The following NLRP11 variants were observed in gnomAD, a reference collection of about 807,000 sequenced individuals.
NLRP11 encodes the protein NACHT, LRR and PYD domains-containing protein 11.
In NLRP11, 53 loss-of-function variants were observed where a neutral mutation model predicts 79.3. That is an observed-to-expected ratio of 0.67 (90% CI 0.54 to 0.84). The LOEUF (loss-of-function observed/expected upper bound fraction) is 0.84. NLRP11 is among the 40% of genes least tolerant of loss of function. NLRP11 has a pLI of 0.00. For synonymous variants in NLRP11, 518 were observed against 462.6 expected (o/e 1.12, Z -1.54); for missense variants, 1,264 against 1,255.0 (o/e 1.01, Z -0.11).
At chr19:55,829,218 G>A (rs1370080495) in intron 1 of NLRP11, among the ~76,000 whole-genome samples, 1 of 149,894 alleles carries the variant, frequency 6.7e-6, no homozygotes, top group African/African-American at 2.5e-5. Context: ...TTTTTTTGAG[G>A]AACCTATGAA....
chr19:55,813,431 G>C (rs905489915), intron 2 of NLRP11, among the ~76,000 whole-genome samples: 1 of 152,104 alleles, frequency 6.6e-6, no homozygotes, highest in Non-Finnish European at 1.5e-5. Context: ...GGCCCATCAG[G>C]CATCTACCAA....
At chr19:55,796,641 C>T (rs1978908481) in intron 5 of NLRP11, among the ~76,000 whole-genome samples, 1 of 152,058 alleles carries the variant, frequency 6.6e-6, no homozygotes, top group Admixed American at 6.5e-5. Flanking sequence ...GATGTTTTTT[C>T]TGCATAGCCT....
chr19:55,815,060 G>C (rs920176642), intron 2 of NLRP11, among the ~76,000 whole-genome samples: 3 of 151,940 alleles, frequency 2.0e-5, no homozygotes, highest in Non-Finnish European at 4.4e-5. Context: ...AAAGGTCTAA[G>C]AAAAATGTAT....
intron 4 of NLRP11, among the ~76,000 whole-genome samples, chr19:55,805,332 T>C (rs1366995406): frequency 6.6e-6 from 1 of 151,914 alleles, no homozygotes; most frequent in Non-Finnish European, 1.5e-5. Flanking sequence ...TTGAGGATCC[T>C]ATGGCAAATC....
At chr19:55,829,143 G>C (rs909087584) in intron 1 of NLRP11, among the ~76,000 whole-genome samples, 3 of 151,614 alleles carry the variant, frequency 2.0e-5, no homozygotes, top group African/African-American at 7.3e-5. Flanking sequence ...TTTGCCTTTT[G>C]AGAAAAGTAA....
chr19:55,801,508 C>T, intron 5 of NLRP11, 64 bp downstream of exon 5: 1 of 1,358,860 alleles, frequency 7.4e-7, no homozygotes, highest in Non-Finnish European at 1.0e-6. Flanking sequence ...AGGGGCACCT[C>T]TATCCACCAA....
Position 55,809,975 on chromosome 19 carries a change from G to C in NLRP11, c.635C>G (p.Ala212Gly). 6.8e-6 allele frequency: 11 copies of C among 1,614,208 alleles called. No individual in the cohort carries two copies. Among genetic ancestry groups the C allele is most frequent in the Non-Finnish European group, 8.5e-6 (10 of 1,180,038 alleles). The change falls in exon 3 of 10, where the codon GCT (alanine) becomes GGT (glycine). Residue 212 changes from alanine to glycine, a missense_variant. By Grantham distance (60) the Ala-to-Gly change is moderately conservative. Coordinates refer to ENST00000589093, the Ensembl canonical transcript of NLRP11. The surrounding 1 kb of genome is among the most constrained non-coding windows in gnomAD (Gnocchi z 4.5). ...ATCAGACAGGATGTCTGCAATGGGA[G>C]CCTGGCCGTCAGGCCAGTCCTTGGC...
intron 1 of NLRP11, among the ~76,000 whole-genome samples, chr19:55,821,205 T>TCACACACACACACACA (rs950312294): frequency 1.2e-5 from 1 of 85,220 alleles, no homozygotes; most frequent in Non-Finnish European, 2.2e-5. Context: ...TCTCTCTCTC[T>TCACACACACACACACA]CACACACACA....
exon 2 of NLRP11, chr19:55,818,173 A>G (rs775813043): frequency 6.2e-7 from 1 of 1,610,404 alleles, no homozygotes; most frequent in South Asian, 1.1e-5. Context: ...CGATTCTGCC[A>G]TCTTGCTTCT....
intron 1 of NLRP11, among the ~76,000 whole-genome samples, chr19:55,819,662 G>C (rs887110301): frequency 6.6e-6 from 1 of 152,132 alleles, no homozygotes; most frequent in Non-Finnish European, 1.5e-5. Context: ...GTCCCTTTGG[G>C]GGCGAAAAAG....
intron 2 of NLRP11, among the ~76,000 whole-genome samples, chr19:55,814,067 T>C (rs929938826): frequency 1.3e-5 from 2 of 152,252 alleles, no homozygotes; most frequent in Admixed American, 6.5e-5. Flanking sequence ...AGCACTCCTC[T>C]GTATTTACAG....
At chr19:55,803,393 T>C (rs1005693832) in intron 4 of NLRP11, among the ~76,000 whole-genome samples, 8 of 151,974 alleles carry the variant, frequency 5.3e-5, no homozygotes, top group African/African-American at 1.9e-4. Flanking sequence ...ATTCTGGACA[T>C]AGGAATGGGC....
intron 2 of NLRP11, 123 bp downstream of exon 2, chr19:55,817,781 A>G (rs567247007): frequency 1.3e-6 from 1 of 746,506 alleles, no homozygotes; most frequent in Non-Finnish European, 2.2e-6. Context: ...GAACTTACTC[A>G]TGTACTCAAA....
At chr19:55,795,136 C>CT (rs1978703689) in intron 6 of NLRP11, among the ~76,000 whole-genome samples, 1 of 152,100 alleles carries the variant, frequency 6.6e-6, no homozygotes, top group Non-Finnish European at 1.5e-5. Context: ...ACTTTTGCCA[C>CT]TTTTTTGCCA....
At chr19:55,818,425 T>A (rs1383826413) in intron 1 of NLRP11, among the ~76,000 whole-genome samples, 189 bp from the exon 2 acceptor site, 1 of 152,218 alleles carries the variant, frequency 6.6e-6, no homozygotes, top group Non-Finnish European at 1.5e-5. Context: ...CTAGGTTCTG[T>A]TAAGGTGGAA....
At chr19:55,829,555 T>C (rs1982544812) in intron 1 of NLRP11, among the ~76,000 whole-genome samples, 1 of 148,768 alleles carries the variant, frequency 6.7e-6, no homozygotes, top group South Asian at 2.1e-4. Flanking sequence ...TAGTCCCAGC[T>C]ACTCAGAAGG....
At chr19:55,785,748 C>T (rs1382415473) in exon 10 of NLRP11, 49 of 1,613,950 alleles carry the variant, frequency 3.0e-5, no homozygotes, top group Non-Finnish European at 4.1e-5. Context: ...AAGCAGGTGT[C>T]ACACCAATTT....
At chr19:55,806,993 C>G (rs1980060299) in intron 4 of NLRP11, among the ~76,000 whole-genome samples, 1 of 152,170 alleles carries the variant, frequency 6.6e-6, no homozygotes, top group African/African-American at 2.4e-5. Flanking sequence ...TAAATACCCA[C>G]TTATGCACCC....
In NLRP11 at chr19:55,809,977, C is replaced by T. The variant is rs1423650486; in HGVS notation, c.633G>A (p.Gln211=). The stretch of plus-strand genomic sequence containing the variant: ...CAGACAGGATGTCTGCAATGGGAGC[C>T]TGGCCGTCAGGCCAGTCCTTGGCGA... Residue 211 remains glutamine (Q), a synonymous_variant, in exon 3 of 10, where the codon CAG becomes CAA. Coordinates refer to ENST00000589093, the Ensembl canonical transcript of NLRP11. This position sits in a 1 kb window ranked among gnomAD's most constrained non-coding sequence, Gnocchi z 4.5. 6.2e-7 allele frequency: 1 copy of T among 1,614,204 alleles called. No homozygotes were observed. The highest frequency in any genetic ancestry group is 1.7e-5 in the Admixed American group (1 of 60,026).
Sources: gnomAD v4.1 joint callset for allele counts (sites outside exome capture counted in the v4.1 genomes callset) on GRCh38, gnomAD v4.1.1 for gene constraint, Gnocchi (gnomAD v3.1) non-coding constraint, MANE v1.5 for transcripts, NCBI Gene and HGNC (gene_info 2026-07-23, HGNC 2026-07-21) for gene names.